SORCS3: variants seen among roughly 807,000 people sequenced by gnomAD.
SORCS3 encodes the protein sortilin related VPS10 domain containing receptor 3, also known as VPS10 domain-containing receptor SorCS3.
In SORCS3, 57 loss-of-function variants were observed where a neutral mutation model predicts 146.3. That is an observed-to-expected ratio of 0.39 (90% CI 0.31 to 0.49). The LOEUF is 0.49. Among genes scored for constraint, SORCS3 ranks in the 20% least tolerant of loss-of-function variants. The pLI is 0.92. For missense variants in SORCS3, 1,341 were observed against 1,575.5 expected (o/e 0.85, Z 2.52); for synonymous variants, 653 against 618.5 (o/e 1.06, Z -0.83).
chr10:104,766,967 A>G (rs1293434900), intron 1 of SORCS3, among the ~76,000 whole-genome samples: 1 of 152,192 alleles, frequency 6.6e-6, no homozygotes, highest in Admixed American at 6.5e-5. Flanking sequence ...GCATTCCAGT[A>G]TTATAGACAA....
intron 4 of SORCS3, among the ~76,000 whole-genome samples, chr10:105,014,718 C>T (rs2055155405): frequency 6.6e-6 from 1 of 152,112 alleles, no homozygotes; most frequent in Admixed American, 6.6e-5. Context: ...ACTTAATCTC[C>T]AAGGTGATGA....
At chr10:105,248,514 G>C (rs2056880464) in intron 22 of SORCS3, among the ~76,000 whole-genome samples, 1 of 152,120 alleles carries the variant, frequency 6.6e-6, no homozygotes, top group Admixed American at 6.5e-5. Context: ...AAGAGATCGA[G>C]ACCATCCTGG....
At chr10:104,850,996 C>G (rs772493843) in intron 2 of SORCS3, among the ~76,000 whole-genome samples, 8 of 152,140 alleles carry the variant, frequency 5.3e-5, no homozygotes, top group Non-Finnish European at 8.8e-5. Context: ...AGACATTAGC[C>G]AGAACACCTG....
chr10:105,141,437 T>TA (rs2056094723), intron 8 of SORCS3, among the ~76,000 whole-genome samples: 2 of 152,174 alleles, frequency 1.3e-5, no homozygotes, highest in Non-Finnish European at 2.9e-5. Context: ...TTCTTTCCAT[T>TA]GTTTAAAAAT....
chr10:104,921,652 T>C (rs574262467), intron 3 of SORCS3, among the ~76,000 whole-genome samples: 2 of 152,056 alleles, frequency 1.3e-5, no homozygotes, highest in South Asian at 4.2e-4. Flanking sequence ...TAAGTTTTAC[T>C]ATTAATCTCC....
chr10:104,751,925 ATATATATATATATATAT>A (rs1564675397), intron 1 of SORCS3, among the ~76,000 whole-genome samples: 446 of 9,394 alleles, frequency 0.047, 15 homozygotes, highest in Middle Eastern at 0.14. Context: ...AATAGGAAGC[ATATATATATATATATAT>A]ATATATATAT....
In SORCS3 at chr10:105,158,881, C is replaced by G. The variant is rs760489734; in HGVS notation, c.1630-11C>G. 22 of 1,599,862 alleles carry G rather than the reference C, an allele frequency of 1.4e-5. No homozygotes were observed. The highest frequency in any genetic ancestry group is 1.8e-5 in the Non-Finnish European group (21 of 1,167,788). On this transcript the variant is annotated splice_polypyrimidine_tract_variant and intron_variant, in intron 10 of 26. Transcript: ENST00000369701. ...TTTCCTAGAATGAAACTATTTCTTT[C>G]TCCATTTTAGCCCTTCTGTTCCTTA...
intron 4 of SORCS3, among the ~76,000 whole-genome samples, chr10:105,015,160 C>T (rs1197388994): frequency 1.3e-5 from 2 of 152,030 alleles, no homozygotes; most frequent in Non-Finnish European, 2.9e-5. Context: ...CAGTGGGAAC[C>T]CTAGTATGTC....
At chr10:104,669,747 T>C (rs1037068877) in intron 1 of SORCS3, among the ~76,000 whole-genome samples, 1 of 152,190 alleles carries the variant, frequency 6.6e-6, no homozygotes, top group Non-Finnish European at 1.5e-5. Context: ...TTCACTTCTT[T>C]TGGGGAAATG....
intron 4 of SORCS3, among the ~76,000 whole-genome samples, chr10:104,994,769 A>G (rs996086379): frequency 2.0e-5 from 3 of 152,166 alleles, no homozygotes; most frequent in African/African-American, 7.2e-5. Flanking sequence ...TTTATGTTGT[A>G]TGTTTCAACA....
At chr10:105,039,100 T>C (rs1313193204) in intron 4 of SORCS3, among the ~76,000 whole-genome samples, 1 of 152,208 alleles carries the variant, frequency 6.6e-6, no homozygotes, top group East Asian at 1.9e-4. Context: ...GTTCAGTTCC[T>C]AGAGCATAGT....
intron 5 of SORCS3, among the ~76,000 whole-genome samples, chr10:105,043,988 C>A (rs2055353637): frequency 6.6e-6 from 1 of 152,014 alleles, no homozygotes; most frequent in South Asian, 2.1e-4. Flanking sequence ...ATCTTGCTTT[C>A]ATTTTAGCAG....
intron 2 of SORCS3, among the ~76,000 whole-genome samples, chr10:104,863,465 T>C (rs1017840647): frequency 6.6e-6 from 1 of 152,198 alleles, no homozygotes; most frequent in African/African-American, 2.4e-5. Context: ...CAGCATCCTC[T>C]CACTTCTTCA....
chr10:104,859,758 G>T (rs999902384), intron 2 of SORCS3, among the ~76,000 whole-genome samples: 1 of 152,020 alleles, frequency 6.6e-6, no homozygotes, highest in Non-Finnish European at 1.5e-5. Context: ...AGTGGGCAAA[G>T]GATATGAACA....
intron 15 of SORCS3, among the ~76,000 whole-genome samples, chr10:105,200,629 G>T (rs1041165796): frequency 6.6e-6 from 1 of 152,164 alleles, no homozygotes; most frequent in Non-Finnish European, 1.5e-5. Context: ...CTTGTAATTT[G>T]TATCAACTTC....
chr10:105,108,317 G>T (rs1452754500), intron 7 of SORCS3, among the ~76,000 whole-genome samples: 1 of 152,102 alleles, frequency 6.6e-6, no homozygotes, highest in African/African-American at 2.4e-5. Flanking sequence ...AGGAGCGGGG[G>T]TTCGTCATGG....
chr10:104,715,594 T>C (rs2016467125), intron 1 of SORCS3, among the ~76,000 whole-genome samples: 2 of 152,208 alleles, frequency 1.3e-5, no homozygotes, highest in Admixed American at 6.5e-5. Context: ...AGAACTCTAA[T>C]ACAGTACAGT....
chr10:105,031,887 T>A (rs2055269942), intron 4 of SORCS3, among the ~76,000 whole-genome samples: 1 of 152,186 alleles, frequency 6.6e-6, no homozygotes, highest in Admixed American at 6.5e-5. Context: ...CAATTCAGGT[T>A]GTTTCCTTGA....
At chr10:104,838,415 T>C (rs2133543311) in intron 1 of SORCS3, among the ~76,000 whole-genome samples, 1 of 151,504 alleles carries the variant, frequency 6.6e-6, no homozygotes, top group South Asian at 2.1e-4. Flanking sequence ...GTGGGAGAGG[T>C]CGGGGTGGGC....
Sources: gnomAD v4.1 joint callset for allele counts (sites outside exome capture counted in the v4.1 genomes callset) on GRCh38, gnomAD v4.1.1 for gene constraint, MANE v1.5 for transcripts, NCBI Gene and HGNC (gene_info 2026-07-23, HGNC 2026-07-21) for gene names.